Variants in PPP1R12B observed in about 807,000 individuals in gnomAD.
PPP1R12B encodes protein phosphatase 1 regulatory subunit 12B.
A neutral mutation model predicts 126.1 loss-of-function variants in PPP1R12B; 76 were observed. That is an observed-to-expected ratio of 0.60 (90% CI 0.50 to 0.73). The LOEUF (loss-of-function observed/expected upper bound fraction) is 0.73, where lower values mean the gene tolerates loss of function less well. Ranked by LOEUF, PPP1R12B falls within the 30% of genes least tolerant of loss-of-function variation. The probability of loss-of-function intolerance (pLI) is 0.00; values close to 1 mark genes in which losing one functional copy is unlikely to be tolerated. For synonymous variants in PPP1R12B, 356 were observed against 434.7 expected (o/e 0.82, Z 2.25); for missense variants, 1,052 against 1,205.1 (o/e 0.87, Z 1.88).
chr1:202,402,113 T>C (rs1325211957), intron 1 of PPP1R12B, among the ~76,000 whole-genome samples: 1 of 152,204 alleles, frequency 6.6e-6, no homozygotes, highest in Non-Finnish European at 1.5e-5. Context: ...GCCATTGCTT[T>C]GCCAGGCTAT....
In PPP1R12B at chr1:202,552,293, C is replaced by T. The variant is rs1686408007; in HGVS notation, c.2491-6584C>T. 1.3e-5 allele frequency among the ~76,000 whole-genome samples: 2 copies of T among 152,162 alleles called. 1 individual carries two copies. The highest frequency in any genetic ancestry group is 1.3e-4 in the Admixed American group (2 of 15,288). The stretch of plus-strand genomic sequence containing the variant: ...AATTACTAGAACAATGCAGGCTTCA[C>T]TTCAAAGTTAGAGACTGGTAGATTC... On this transcript the variant is annotated intron_variant, in intron 18 of 23. Coordinates refer to ENST00000608999, the MANE Select transcript of PPP1R12B (RefSeq NM_002481.4).
rs574350543 is a variant in PPP1R12B, at chr1:202,401,153, T to A, written c.292-15634T>A. Reference sequence around the variant, plus strand: ...GTTGAATGTTTGCAAGAGACTATGATCTGCAAAGTGTAAAGTACTTCTTTC... The same window carrying A: ...GTTGAATGTTTGCAAGAGACTATGAACTGCAAAGTGTAAAGTACTTCTTTC... On this transcript the variant is annotated intron_variant, in intron 1 of 23. Transcript: ENST00000608999. 3.3e-5 allele frequency among the ~76,000 whole-genome samples: 5 copies of A among 152,228 alleles called. No homozygotes were observed. In the East Asian group the frequency reaches 9.6e-4, roughly 29 times the overall value.
intron 13 of PPP1R12B, among the ~76,000 whole-genome samples, chr1:202,474,634 G>A (rs1398656776): frequency 6.6e-6 from 1 of 152,118 alleles, no homozygotes. Context: ...GTTGGATCTG[G>A]TTTTCAGGTT....
chr1:202,381,122 A>G (rs1662188025), intron 1 of PPP1R12B, among the ~76,000 whole-genome samples: 2 of 152,200 alleles, frequency 1.3e-5, no homozygotes, highest in East Asian at 3.8e-4. Flanking sequence ...CATTCCATAC[A>G]TACATATGTG....
chr1:202,385,335 T>G (rs569549538), intron 1 of PPP1R12B, among the ~76,000 whole-genome samples: 83 of 152,306 alleles, frequency 5.4e-4, no homozygotes, highest in African/African-American at 2.0e-3. Context: ...AGTTCTTTTT[T>G]CCCAGTGGCT....
At position 202,586,984 on chromosome 1, in the gene PPP1R12B, T is replaced by TATTTA. The variant is rs567952847; in HGVS notation, c.*6425_*6429dup. 4 of 152,380 alleles carry TATTTA rather than the reference T, an allele frequency of 2.6e-5. No homozygotes were observed. The South Asian group carries it at 8.3e-4, about 32-fold the overall frequency. The allele number at this position is 152,380 out of a possible 1,614,324, so 9.4% of individuals were successfully genotyped here. A position where few individuals can be genotyped will look rare whatever the true frequency, so the allele number is the denominator to read the frequency against. ...CAAATGAAAACTCAGAAACCAATTT[T>TATTTA]ATTTATTAAATCATATCTTTTGTTT... On this transcript the variant is annotated 3_prime_UTR_variant, in exon 24 of 24. Coordinates refer to ENST00000608999, the MANE Select transcript of PPP1R12B (RefSeq NM_002481.4).
intron 15 of PPP1R12B, 122 bp from the exon 16 acceptor site, chr1:202,495,171 A>G (rs1185811351): frequency 9.8e-6 from 7 of 710,904 alleles, no homozygotes; most frequent in African/African-American, 3.6e-5. Context: ...CAGGTACTCA[A>G]TATTGATCAT....
At chr1:202,394,999 C>A (rs1465721289) in intron 1 of PPP1R12B, among the ~76,000 whole-genome samples, 1 of 151,418 alleles carries the variant, frequency 6.6e-6, no homozygotes, top group Admixed American at 6.6e-5. Flanking sequence ...GCGCTGTAAT[C>A]CCAGCTACTT....
chr1:202,465,454 C>A (rs944406959), intron 13 of PPP1R12B, among the ~76,000 whole-genome samples: 1 of 152,174 alleles, frequency 6.6e-6, no homozygotes, highest in Admixed American at 6.5e-5. Context: ...ACTTGCTAGC[C>A]TCTCTGAAAT....
chr1:202,567,282 C>T (rs1304218966), intron 21 of PPP1R12B: 1 of 154,324 alleles, frequency 6.5e-6, no homozygotes, highest in Non-Finnish European at 1.4e-5. Flanking sequence ...GGTATCAATT[C>T]CCAAAACAGA....
chr1:202,421,301 CTTT>C (rs764287116), intron 2 of PPP1R12B, among the ~76,000 whole-genome samples: 4 of 136,768 alleles, frequency 2.9e-5, no homozygotes, highest in African/African-American at 2.7e-5. Flanking sequence ...TTATCTCTCT[CTTT>C]TTTTTTTTTT....
chr1:202,470,530 G>A (rs1460381477), intron 13 of PPP1R12B, among the ~76,000 whole-genome samples: 1 of 152,130 alleles, frequency 6.6e-6, no homozygotes, highest in Non-Finnish European at 1.5e-5. Flanking sequence ...CTCACCATCA[G>A]CAGTATCACT....
At chr1:202,463,084 G>C in intron 13 of PPP1R12B, 1 of 984,248 alleles carries the variant, frequency 1.0e-6, no homozygotes, top group Non-Finnish European at 1.2e-6. Flanking sequence ...GGCCTGGAAT[G>C]TCAGAAGCAG....
At chr1:202,358,371 G>A (rs1465928457) in intron 1 of PPP1R12B, among the ~76,000 whole-genome samples, 1 of 152,098 alleles carries the variant, frequency 6.6e-6, no homozygotes, top group African/African-American at 2.4e-5. Flanking sequence ...TTTGTTTCAT[G>A]AGGCAATTCA....
At chr1:202,433,966 C>T (rs556623157) in intron 8 of PPP1R12B, among the ~76,000 whole-genome samples, 95 of 152,206 alleles carry the variant, frequency 6.2e-4, no homozygotes, top group African/African-American at 2.1e-3. Flanking sequence ...TGAATATATC[C>T]AGTCAGGGAA....
intron 1 of PPP1R12B, among the ~76,000 whole-genome samples, chr1:202,398,037 G>A (rs1404465438): frequency 1.3e-5 from 2 of 152,130 alleles, no homozygotes; most frequent in Non-Finnish European, 2.9e-5. Flanking sequence ...TCAGCCTCCC[G>A]AGTAGCTGGA....
Position 202,438,336 on chromosome 1 carries a change from G to T in PPP1R12B, c.1458+312G>T, listed in dbSNP as rs1426830219. On this transcript the variant is annotated intron_variant, in intron 10 of 23. Transcript: ENST00000608999. ...AAAAATTTCAGTATGGCGGAGGGGG[G>T]CACAGGACCCCAGGTAGGGGTCCTG... The T allele has an allele frequency of 4.2e-6, 5 of 1,184,846 alleles. No homozygotes were observed. In the Admixed American group the frequency reaches 6.2e-5, roughly 15 times the overall value. The allele number at this position is 1,184,846 out of a possible 1,614,324, so 73.4% of individuals were successfully genotyped here. A position where few individuals can be genotyped will look rare whatever the true frequency, so the allele number is the denominator to read the frequency against.
At chr1:202,445,493 A>G (rs1219128151) in intron 12 of PPP1R12B, among the ~76,000 whole-genome samples, 1 of 152,246 alleles carries the variant, frequency 6.6e-6, no homozygotes, top group Non-Finnish European at 1.5e-5. Flanking sequence ...TCAACAACCT[A>G]ACCAGTTGTG....
chr1:202,398,655 A>G (rs1665352446), intron 1 of PPP1R12B, among the ~76,000 whole-genome samples: 1 of 152,172 alleles, frequency 6.6e-6, no homozygotes. Context: ...GCACAGGATC[A>G]TTTGGGCACA....
Sources: gnomAD v4.1 joint callset for allele counts (sites outside exome capture counted in the v4.1 genomes callset) on GRCh38, gnomAD v4.1.1 for gene constraint, MANE v1.5 for transcripts, NCBI Gene and HGNC (gene_info 2026-07-23, HGNC 2026-07-21) for gene names.